Variants in CSMD1 observed in about 807,000 individuals in gnomAD.
CSMD1 encodes CUB and sushi domain-containing protein 1.
A neutral mutation model predicts 417.5 loss-of-function variants in CSMD1; 213 were observed. The observed-to-expected ratio is 0.51, with a 90% CI of 0.46 to 0.57. The LOEUF is 0.57. Ranked by LOEUF, CSMD1 falls within the 20% of genes least tolerant of loss-of-function variation. The pLI, the probability that CSMD1 is intolerant of heterozygous loss-of-function variation, is 0.00. For missense variants in CSMD1, 6,923 were observed against 4,529.7 expected (o/e 1.53, Z -15.17); for synonymous variants, 2,862 against 1,736.8 (o/e 1.65, Z -16.11).
At chr8:4,802,999 A>G (rs2117292740) in intron 1 of CSMD1, among the ~76,000 whole-genome samples, 1 of 152,332 alleles carries the variant, frequency 6.6e-6, no homozygotes, top group South Asian at 2.1e-4. Context: ...TAGAGCCAGC[A>G]GTAAAGTCAC....
At chr8:3,775,709 T>A (rs917812343) in intron 5 of CSMD1, among the ~76,000 whole-genome samples, 2 of 152,244 alleles carry the variant, frequency 1.3e-5, no homozygotes, top group Non-Finnish European at 2.9e-5. Context: ...TCCTAAATGA[T>A]GCACGCAAAC....
intron 3 of CSMD1, among the ~76,000 whole-genome samples, chr8:4,245,014 A>G (rs1802620515): frequency 6.6e-6 from 1 of 152,208 alleles, no homozygotes; most frequent in Non-Finnish European, 1.5e-5. Flanking sequence ...AAAGAATCAC[A>G]TACACATTTA....
intron 1 of CSMD1, among the ~76,000 whole-genome samples, chr8:4,963,194 A>G (rs1427856455): frequency 1.3e-5 from 2 of 151,798 alleles, no homozygotes; most frequent in African/African-American, 4.8e-5. Context: ...CATTCACTTT[A>G]TTTATTTACT....
At chr8:3,192,274 G>A (rs148904159) in intron 33 of CSMD1, among the ~76,000 whole-genome samples, 322 of 152,120 alleles carry the variant, frequency 2.1e-3, no homozygotes, top group African/African-American at 7.7e-3. Context: ...TCTATTATAG[G>A]TCAAGGATCT....
At chr8:3,407,089 G>T (rs1812389679) in intron 14 of CSMD1, among the ~76,000 whole-genome samples, 1 of 152,068 alleles carries the variant, frequency 6.6e-6, no homozygotes, top group Admixed American at 6.6e-5. Flanking sequence ...AAAGAAAGAT[G>T]AATGGAGGGA....
Position 3,917,416 on chromosome 8 carries a change from AACACACACAC to A in CSMD1, c.818+80477_818+80486del, listed in dbSNP as rs56102573. Among the ~76,000 whole-genome samples the A allele has an allele frequency of 6.3e-3, 940 of 150,290 alleles. 4 individuals are homozygous for A. The highest frequency in any genetic ancestry group is 9.2e-3 in the Non-Finnish European group (617 of 67,404). ...GAGTTTGGGTTTGGTTATACCACGA[AACACACACAC>A]ACACACACACACACGCTCATGCGCG... On this transcript the variant is annotated intron_variant, in intron 5 of 69. Transcript: ENST00000635120.
chr8:3,394,017 T>A (rs867315824), intron 17 of CSMD1, among the ~76,000 whole-genome samples: 32,098 of 77,172 alleles, frequency 0.42, 6,765 homozygotes, highest in South Asian at 0.52. Context: ...ATAAATTATA[T>A]ATATATATAT....
intron 47 of CSMD1, among the ~76,000 whole-genome samples, chr8:3,096,154 T>TA (rs1004963313): frequency 1.1e-4 from 17 of 152,170 alleles, no homozygotes; most frequent in African/African-American, 3.6e-4. Context: ...ATCACTGTGT[T>TA]AAAAAAATCA....
intron 1 of CSMD1, among the ~76,000 whole-genome samples, chr8:4,682,581 A>T (rs1806119101): frequency 6.6e-6 from 1 of 152,114 alleles, no homozygotes; most frequent in South Asian, 2.1e-4. Context: ...TAATACATAA[A>T]TGTATGATGC....
At chr8:4,575,932 C>A (rs1253272830) in intron 2 of CSMD1, among the ~76,000 whole-genome samples, 1 of 152,190 alleles carries the variant, frequency 6.6e-6, no homozygotes, top group Admixed American at 6.5e-5. Flanking sequence ...ATCAAACAAT[C>A]CCACAGCACA....
chr8:3,796,577 GATATA>G lies in CSMD1; in HGVS notation c.819-42540_819-42536del, dbSNP rs1295742355. 3.5e-5 allele frequency among the ~76,000 whole-genome samples: 5 copies of G among 143,766 alleles called. No homozygotes were observed. In the East Asian group the frequency reaches 6.1e-4, roughly 18 times the overall value. 94.3% of individuals were successfully genotyped at this position (143,766 alleles called of 152,430 possible). ...ATGATAGATATATATCTATATCTAA[GATATA>G]ATATATAGATATATATCTATAATGT... is the stretch of plus-strand genomic sequence containing the variant. On this transcript the variant is annotated intron_variant, in intron 5 of 69. Transcript: ENST00000635120.
intron 38 of CSMD1, among the ~76,000 whole-genome samples, chr8:3,161,478 G>A (rs1163516181): frequency 6.6e-6 from 1 of 151,912 alleles, no homozygotes; most frequent in East Asian, 1.9e-4. Flanking sequence ...GTAGCCGGGT[G>A]TGGTGGCAGG....
At chr8:3,008,810 A>C (rs1445504363) in intron 52 of CSMD1, among the ~76,000 whole-genome samples, 1 of 152,208 alleles carries the variant, frequency 6.6e-6, no homozygotes, top group East Asian at 1.9e-4. Context: ...ACTGATTGTC[A>C]GTGGTGACTT....
intron 3 of CSMD1, among the ~76,000 whole-genome samples, chr8:4,149,584 T>G (rs1243081415): frequency 6.6e-6 from 1 of 152,184 alleles, no homozygotes; most frequent in East Asian, 1.9e-4. Context: ...GAACCAGATT[T>G]ATGCTAAAAG....
chr8:4,154,660 C>T (rs1024348038), intron 3 of CSMD1, among the ~76,000 whole-genome samples: 5 of 152,134 alleles, frequency 3.3e-5, no homozygotes, highest in Non-Finnish European at 7.3e-5. Context: ...TATTCTAGTC[C>T]CTTAGTTGAT....
chr8:3,350,567 C>G (rs1381952083), intron 21 of CSMD1, among the ~76,000 whole-genome samples: 2 of 152,098 alleles, frequency 1.3e-5, no homozygotes, highest in East Asian at 3.8e-4. Flanking sequence ...ATTCACACTA[C>G]TGTTCATAAT....
chr8:4,180,591 AG>A (rs1222808082), intron 3 of CSMD1, among the ~76,000 whole-genome samples: 5 of 152,044 alleles, frequency 3.3e-5, no homozygotes, highest in African/African-American at 4.8e-5. Flanking sequence ...AATTAAAAAA[AG>A]AAAAAATAAA....
At chr8:4,384,989 C>A (rs559459622) in intron 3 of CSMD1, among the ~76,000 whole-genome samples, 2 of 152,150 alleles carry the variant, frequency 1.3e-5, no homozygotes, top group African/African-American at 4.8e-5. Context: ...GGCGCAATCT[C>A]GATCTCGGCT....
intron 5 of CSMD1, among the ~76,000 whole-genome samples, chr8:3,763,733 G>C (rs1338590612): frequency 6.6e-6 from 1 of 152,160 alleles, no homozygotes; most frequent in Non-Finnish European, 1.5e-5. Context: ...CCTTTGTACA[G>C]AAACTAGATA....
Sources: allele counts gnomAD v4.1 joint callset (sites outside exome capture counted in the v4.1 genomes callset), GRCh38; gene constraint gnomAD v4.1.1; transcripts MANE v1.5; gene names NCBI Gene and HGNC (gene_info 2026-07-23, HGNC 2026-07-21).